The following SLC35D4 variants were observed in gnomAD, a reference collection of about 807,000 sequenced individuals.
The protein encoded by SLC35D4 is solute carrier family 35 member D4.
the SLC35D4 span, among the ~76,000 whole-genome samples, chr18:23,374,334 A>ATT: frequency 6.6e-6 from 1 of 152,344 alleles, no homozygotes; most frequent in East Asian, 1.9e-4. Flanking sequence ...CAGAGCGTGG[A>ATT]TTGAACCACG....
the SLC35D4 span, among the ~76,000 whole-genome samples, chr18:23,334,524 C>G: frequency 6.6e-6 from 1 of 152,208 alleles, no homozygotes; most frequent in Non-Finnish European, 1.5e-5. Context: ...AAAAACTTTT[C>G]TTGTTGCATA....
At chr18:23,434,624 C>T in the SLC35D4 span, among the ~76,000 whole-genome samples, 216 of 152,064 alleles carry the variant, frequency 1.4e-3, no homozygotes, top group Non-Finnish European at 2.6e-3. Context: ...AACTTCGTCT[C>T]TATTAAAAAA....
At chr18:23,287,186 G>A in the SLC35D4 span, among the ~76,000 whole-genome samples, 1 of 152,044 alleles carries the variant, frequency 6.6e-6, no homozygotes, top group African/African-American at 2.4e-5. Flanking sequence ...ACTAGTTCAG[G>A]ATCTATGACT....
At chr18:23,436,090 C>T in the SLC35D4 span, among the ~76,000 whole-genome samples, 2 of 139,010 alleles carry the variant, frequency 1.4e-5, no homozygotes, top group Non-Finnish European at 3.1e-5. Context: ...GGCTGGAATG[C>T]GATCTCGGCT....
chr18:23,372,926 G>A, the SLC35D4 span, among the ~76,000 whole-genome samples: 1 of 148,582 alleles, frequency 6.7e-6, no homozygotes. Context: ...AGAAAGAAAG[G>A]AAACCCAGAA....
chr18:23,431,731 T>C, the SLC35D4 span, among the ~76,000 whole-genome samples: 1 of 152,218 alleles, frequency 6.6e-6, no homozygotes, highest in Non-Finnish European at 1.5e-5. Flanking sequence ...TTCTCTTATG[T>C]ATATTTATGT....
chr18:23,345,418 G>C, the SLC35D4 span, among the ~76,000 whole-genome samples: 7 of 139,138 alleles, frequency 5.0e-5, no homozygotes, highest in East Asian at 1.6e-3. Flanking sequence ...GGAGGTGGAG[G>C]TTGCAGTGAG....
At chr18:23,408,836 T>A in the SLC35D4 span, among the ~76,000 whole-genome samples, 68 of 131,590 alleles carry the variant, frequency 5.2e-4, no homozygotes, top group African/African-American at 7.4e-4. Flanking sequence ...TTTTTTTTTT[T>A]ATTAAAAAGT....
the SLC35D4 span, chr18:23,373,681 T>C: frequency 1.2e-6 from 2 of 1,612,188 alleles, no homozygotes; most frequent in East Asian, 4.5e-5. Context: ...TAAAAGACAC[T>C]TTGAAGGCAA....
chr18:23,282,666 G>GT, the SLC35D4 span, among the ~76,000 whole-genome samples: 1 of 152,228 alleles, frequency 6.6e-6, no homozygotes, highest in Non-Finnish European at 1.5e-5. Flanking sequence ...CCACAACCCA[G>GT]TGACCCCAGG....
chr18:23,245,848 G>A, the SLC35D4 span, among the ~76,000 whole-genome samples: 1 of 152,236 alleles, frequency 6.6e-6, no homozygotes. Context: ...GAGCACCCTT[G>A]CAAAAAACAC....
the SLC35D4 span, among the ~76,000 whole-genome samples, chr18:23,265,858 G>A: frequency 2.0e-5 from 3 of 152,048 alleles, no homozygotes; most frequent in Non-Finnish European, 2.9e-5. Context: ...GAAGCAGATC[G>A]CCTCTGAGGC....
the SLC35D4 span, among the ~76,000 whole-genome samples, chr18:23,372,335 G>A: frequency 1.3e-5 from 2 of 152,264 alleles, no homozygotes; most frequent in Non-Finnish European, 2.9e-5. Context: ...ACACATAGCA[G>A]GTGCTCAATG....
At chr18:23,415,492 G>A in the SLC35D4 span, among the ~76,000 whole-genome samples, 2 of 152,190 alleles carry the variant, frequency 1.3e-5, no homozygotes, top group Non-Finnish European at 2.9e-5. Context: ...GACTGCATCT[G>A]AAGTCTCCAA....
At chr18:23,336,230 C>A in the SLC35D4 span, among the ~76,000 whole-genome samples, 1 of 152,162 alleles carries the variant, frequency 6.6e-6, no homozygotes, top group Non-Finnish European at 1.5e-5. Flanking sequence ...AAACCTTGTT[C>A]ATAAACAAAC....
At chr18:23,362,838 G>A in the SLC35D4 span, among the ~76,000 whole-genome samples, 1 of 152,076 alleles carries the variant, frequency 6.6e-6, no homozygotes, top group Non-Finnish European at 1.5e-5. Flanking sequence ...ACAATTTGGT[G>A]GCACCTGGGA....
At chr18:23,337,155 C>A in the SLC35D4 span, among the ~76,000 whole-genome samples, 3 of 149,404 alleles carry the variant, frequency 2.0e-5, no homozygotes, top group Middle Eastern at 3.2e-3. Flanking sequence ...AAATGTATCT[C>A]AAAAAATTAG....
chr18:23,313,294 G>A, the SLC35D4 span, among the ~76,000 whole-genome samples: 3 of 151,766 alleles, frequency 2.0e-5, no homozygotes, highest in Non-Finnish European at 4.4e-5. Flanking sequence ...AATTTGCTCT[G>A]AGACATGTAG....
chr18:23,419,543 C>T, the SLC35D4 span, among the ~76,000 whole-genome samples: 3 of 152,068 alleles, frequency 2.0e-5, no homozygotes, highest in African/African-American at 2.4e-5. Flanking sequence ...CCACCTGTCT[C>T]GGCCTCCCAA....
Sources: allele counts gnomAD v4.1 joint callset (sites outside exome capture counted in the v4.1 genomes callset), GRCh38; gene constraint gnomAD v4.1.1; transcripts MANE v1.5; gene names NCBI Gene and HGNC (gene_info 2026-07-23, HGNC 2026-07-21).